NAV3: variants seen among roughly 807,000 people sequenced by gnomAD.
NAV3 encodes neuron navigator 3.
In NAV3, 87 loss-of-function variants were observed where a neutral mutation model predicts 244.7. The observed-to-expected ratio is 0.36, with a 90% confidence interval of 0.30 to 0.42. NAV3 has a LOEUF of 0.42. Ranked by LOEUF, NAV3 falls within the 20% of genes least tolerant of loss-of-function variation. The pLI is 1.00. For synonymous variants in NAV3, 1,126 were observed against 1,042.2 expected, an observed-to-expected ratio of 1.08 and a Z score of -1.55; for missense variants, 2,663 against 2,893.3, an observed-to-expected ratio of 0.92 and a Z score of 1.83.
At chr12:77,735,244 A>G (rs1302981518) in intron 2 of NAV3, among the ~76,000 whole-genome samples, 1 of 152,154 alleles carries the variant, frequency 6.6e-6, no homozygotes, top group Non-Finnish European at 1.5e-5. Flanking sequence ...GAGTCCACTG[A>G]TCATTTATTT....
chr12:77,901,828 C>T (rs1463241585), intron 1 of NAV3, among the ~76,000 whole-genome samples: 1 of 152,188 alleles, frequency 6.6e-6, no homozygotes, highest in Non-Finnish European at 1.5e-5. Context: ...GGAGGCATCT[C>T]TTCCTCATTA....
At position 77,953,674 on chromosome 12, in the gene NAV3, G is replaced by T. The variant is rs138263016; in HGVS notation, c.414+12541G>T. On this transcript the variant is annotated intron_variant, in intron 3 of 39. Transcript: ENST00000397909. ...GATGGGAAAGGAAAGCCCGCAAGGC[G>T]TTCCTTTGCAATGACACAGGAGTAA... Among the ~76,000 whole-genome samples, 10 of 152,224 alleles carry T rather than the reference G, an allele frequency of 6.6e-5. No homozygotes were observed. The East Asian group carries it at 1.9e-3, about 29-fold the overall frequency.
At chr12:77,608,946 T>C (rs1033919450) in intron 2 of NAV3, among the ~76,000 whole-genome samples, 1 of 152,106 alleles carries the variant, frequency 6.6e-6, no homozygotes, top group Admixed American at 6.6e-5. Flanking sequence ...GATCACATTC[T>C]GTGATTTTTC....
At chr12:78,043,628 C>T (rs1398455750) in intron 9 of NAV3, among the ~76,000 whole-genome samples, 3 of 152,136 alleles carry the variant, frequency 2.0e-5, no homozygotes, top group Non-Finnish European at 4.4e-5. Flanking sequence ...GCCATTCTAA[C>T]CGGCGTGAGA....
chr12:77,847,161 TAA>T (rs1465661489), intron 1 of NAV3, among the ~76,000 whole-genome samples: 1 of 152,148 alleles, frequency 6.6e-6, no homozygotes, highest in African/African-American at 2.4e-5. Flanking sequence ...GTCCACACTT[TAA>T]CAATAGGCCA....
At chr12:77,696,044 G>T (rs1875280548) in intron 2 of NAV3, among the ~76,000 whole-genome samples, 1 of 152,098 alleles carries the variant, frequency 6.6e-6, no homozygotes, top group Non-Finnish European at 1.5e-5. Context: ...CAAGAAGAGA[G>T]AATAAAAAGT....
intron 1 of NAV3, among the ~76,000 whole-genome samples, chr12:77,851,288 A>G (rs1877483548): frequency 6.6e-6 from 1 of 152,174 alleles, no homozygotes; most frequent in South Asian, 2.1e-4. Context: ...TCTTATCTTT[A>G]GAAATACCCC....
At chr12:77,771,240 C>T (rs1016925410) in intron 2 of NAV3, among the ~76,000 whole-genome samples, 66 of 152,198 alleles carry the variant, frequency 4.3e-4, no homozygotes, top group South Asian at 1.2e-3. Context: ...GTTAGAATGG[C>T]GATCATTAAA....
At chr12:77,598,897 A>T (rs991594906) in intron 2 of NAV3, among the ~76,000 whole-genome samples, 1 of 152,016 alleles carries the variant, frequency 6.6e-6, no homozygotes, top group Admixed American at 6.6e-5. Flanking sequence ...AAAATTGCAC[A>T]ATATGGTATT....
chr12:77,873,585 C>CT (rs1881323918), intron 1 of NAV3, among the ~76,000 whole-genome samples: 1 of 148,658 alleles, frequency 6.7e-6, no homozygotes, highest in Admixed American at 6.8e-5. Flanking sequence ...TAGCAAAGGA[C>CT]TTTACTATTT....
At chr12:78,002,719 A>G (rs1278743693) in intron 7 of NAV3, among the ~76,000 whole-genome samples, 1 of 152,074 alleles carries the variant, frequency 6.6e-6, no homozygotes, top group African/African-American at 2.4e-5. Context: ...TTAATGCTTT[A>G]TTACTTAATA....
At chr12:77,786,782 A>T (rs147723232) in intron 2 of NAV3, among the ~76,000 whole-genome samples, 1 of 152,138 alleles carries the variant, frequency 6.6e-6, no homozygotes, top group Non-Finnish European at 1.5e-5. Context: ...ACTACTTGGA[A>T]TCTCTCTTTC....
chr12:77,763,912 C>T (rs1025804274), intron 2 of NAV3, among the ~76,000 whole-genome samples: 1 of 152,144 alleles, frequency 6.6e-6, no homozygotes, highest in Non-Finnish European at 1.5e-5. Context: ...GTCCAGCTAT[C>T]AGAGAGGGAC....
At chr12:77,934,121 G>T (rs963708547) in intron 1 of NAV3, among the ~76,000 whole-genome samples, 10 of 152,124 alleles carry the variant, frequency 6.6e-5, no homozygotes, top group Admixed American at 6.5e-4. Flanking sequence ...TTTCTGCAGT[G>T]ATGGGCTGGG....
rs377060858 is a variant in NAV3, at chr12:77,755,386, G to A, written c.72+183120G>A. Among the ~76,000 whole-genome samples the A allele has an allele frequency of 9.2e-5, 14 of 152,192 alleles. No homozygotes were observed. The East Asian group carries it at 1.5e-3, about 17-fold the overall frequency. On this transcript the variant is annotated intron_variant, in intron 2 of 8. Transcript: ENST00000550042. ...TTCATACCTACTCTGTACCAACTGT[G>A]TGCTGGGGATACCAGGGAGCACAAA...
At chr12:77,725,443 A>G (rs145854964) in intron 2 of NAV3, among the ~76,000 whole-genome samples, 14 of 151,702 alleles carry the variant, frequency 9.2e-5, no homozygotes, top group Non-Finnish European at 1.6e-4. Context: ...TGCTGTGTAC[A>G]TTTTCATTTA....
chr12:77,911,302 G>A (rs1886560762), intron 1 of NAV3, among the ~76,000 whole-genome samples: 1 of 152,092 alleles, frequency 6.6e-6, no homozygotes, highest in Admixed American at 6.6e-5. Context: ...TTAAAGAACT[G>A]GATTAGAATC....
At chr12:77,685,301 T>C (rs1203263786) in intron 2 of NAV3, among the ~76,000 whole-genome samples, 6 of 152,238 alleles carry the variant, frequency 3.9e-5, no homozygotes, top group East Asian at 1.9e-4. Flanking sequence ...AGCAATTCTT[T>C]TGTGCAGTGA....
chr12:77,784,976 G>T (rs1592680894), intron 2 of NAV3, among the ~76,000 whole-genome samples: 1 of 152,082 alleles, frequency 6.6e-6, no homozygotes. Flanking sequence ...TAAATTGGAA[G>T]GATGAATTTG....
Sources: allele counts gnomAD v4.1 joint callset (sites outside exome capture counted in the v4.1 genomes callset), GRCh38; gene constraint gnomAD v4.1.1; transcripts MANE v1.5; gene names NCBI Gene and HGNC (gene_info 2026-07-23, HGNC 2026-07-21).